CDKL1: variants seen among roughly 807,000 people sequenced by gnomAD.
CDKL1 encodes cyclin dependent kinase like 1, also known as cyclin-dependent kinase-like 1.
Under a neutral mutation model 42.0 loss-of-function variants are expected in CDKL1, and 41 were observed. That is an observed-to-expected ratio of 0.98 (90% confidence interval 0.76 to 1.27). The LOEUF (loss-of-function observed/expected upper bound fraction) is 1.27, where lower values mean the gene tolerates loss of function less well. Among genes scored for constraint, CDKL1 ranks in the 50% most tolerant of loss-of-function variants. The probability of loss-of-function intolerance (pLI) is 0.00; values close to 1 mark genes in which losing one functional copy is unlikely to be tolerated. For synonymous variants in CDKL1, 153 were observed against 158.6 expected, an observed-to-expected ratio of 0.96 and a Z score of 0.26; for missense variants, 394 against 428.4, an observed-to-expected ratio of 0.92 and a Z score of 0.71.
intron 7 of CDKL1, among the ~76,000 whole-genome samples, chr14:50,335,071 T>C (rs1291544259): frequency 3.3e-5 from 5 of 151,546 alleles, no homozygotes; most frequent in South Asian, 2.1e-4. Context: ...TCTGATGGCT[T>C]GAGCCCAGGA....
intron 3 of CDKL1, among the ~76,000 whole-genome samples, chr14:50,350,170 C>T (rs1345117059): frequency 6.6e-6 from 1 of 152,124 alleles, no homozygotes; most frequent in Non-Finnish European, 1.5e-5. Context: ...CTTGGCCTCC[C>T]AAAACACTGG....
At chr14:50,354,117 G>T (rs920655533) in intron 3 of CDKL1, among the ~76,000 whole-genome samples, 1 of 151,832 alleles carries the variant, frequency 6.6e-6, no homozygotes, top group Non-Finnish European at 1.5e-5. Flanking sequence ...ACAATGCCCG[G>T]CTAATTTTTG....
At chr14:50,341,256 A>G in intron 5 of CDKL1, 24 bp from the exon 6 acceptor site, 1 of 1,566,304 alleles carries the variant, frequency 6.4e-7, no homozygotes, top group Non-Finnish European at 8.7e-7. Context: ...GAACATGGAA[A>G]ACAAACAGCA....
At chr14:50,392,082 T>A (rs1272232366) in intron 2 of CDKL1, among the ~76,000 whole-genome samples, 4 of 152,214 alleles carry the variant, frequency 2.6e-5, no homozygotes, top group African/African-American at 9.6e-5. Flanking sequence ...AGCCAATGGC[T>A]AATCCTAAAT....
intron 7 of CDKL1, among the ~76,000 whole-genome samples, chr14:50,337,082 C>T (rs2033320653): frequency 6.6e-6 from 1 of 151,890 alleles, no homozygotes; most frequent in African/African-American, 2.4e-5. Context: ...GATCTCGGCT[C>T]ACTGCAACCT....
chr14:50,338,917 A>G, intron 7 of CDKL1, 30 bp downstream of exon 7: 2 of 1,398,076 alleles, frequency 1.4e-6, no homozygotes, highest in Non-Finnish European at 2.0e-6. Context: ...AGCCTGGCCT[A>G]CAGAGCTCTC....
At chr14:50,388,639 T>C (rs1012721106) in intron 2 of CDKL1, among the ~76,000 whole-genome samples, 6 of 152,228 alleles carry the variant, frequency 3.9e-5, no homozygotes, top group African/African-American at 1.2e-4. Context: ...TTGAGGCTGC[T>C]TGACCGCTGT....
At chr14:50,373,052 T>C (rs1263798939) in intron 2 of CDKL1, among the ~76,000 whole-genome samples, 5 of 152,216 alleles carry the variant, frequency 3.3e-5, no homozygotes, top group African/African-American at 9.6e-5. Context: ...ATTAGCATAG[T>C]TTTTTCTATT....
chr14:50,326,394 AGTT>A lies in CDKL1; in HGVS notation c.*3677_*3679del. 1 of 943,152 alleles carries A rather than the reference AGTT, an allele frequency of 1.1e-6. No homozygotes were observed. Among genetic ancestry groups the A allele is most frequent in the Non-Finnish European group, 1.3e-6 (1 of 791,418 alleles). The allele number at this position is 943,152 out of a possible 1,614,324, so 58.4% of individuals were successfully genotyped here. On this transcript the variant is annotated 3_prime_UTR_variant, in exon 10 of 10. Transcript: ENST00000395834. ...AACAGTAATTTACATTTAACTTTAA[AGTT>A]AGTGAAGCATACTACCATAAATGCA...
At chr14:50,333,090 C>T (rs2033059396) in intron 8 of CDKL1, 1 of 156,592 alleles carries the variant, frequency 6.4e-6, no homozygotes, top group Admixed American at 6.5e-5. Context: ...AATTTCACAA[C>T]TACATACTCC....
At chr14:50,373,329 A>G (rs1044801476) in intron 2 of CDKL1, among the ~76,000 whole-genome samples, 1 of 152,230 alleles carries the variant, frequency 6.6e-6, no homozygotes, top group Non-Finnish European at 1.5e-5. Flanking sequence ...AATAGGTAAT[A>G]GAAGAGGAAA....
intron 3 of CDKL1, among the ~76,000 whole-genome samples, chr14:50,352,892 C>T (rs1168675609): frequency 6.6e-6 from 1 of 152,230 alleles, no homozygotes; most frequent in Non-Finnish European, 1.5e-5. Flanking sequence ...CTAGCTCATG[C>T]TTTCTTTGTA....
At chr14:50,385,033 T>C (rs934423282) in intron 2 of CDKL1, among the ~76,000 whole-genome samples, 8 of 127,512 alleles carry the variant, frequency 6.3e-5, no homozygotes, top group African/African-American at 2.4e-4. Flanking sequence ...ATCGCACCAC[T>C]GCACTTAAGC....
intron 4 of CDKL1, among the ~76,000 whole-genome samples, chr14:50,344,224 G>A (rs1467301953): frequency 6.6e-6 from 1 of 152,124 alleles, no homozygotes; most frequent in Admixed American, 6.5e-5. Context: ...TAGGTTGCTT[G>A]GTTCGAGACT....
In CDKL1 at chr14:50,336,031, G is replaced by A. The variant is rs770970072; in HGVS notation, c.739-1410C>T. On this transcript the variant is annotated intron_variant, in intron 7 of 9. Transcript: ENST00000395834. The stretch of plus-strand genomic sequence containing the variant: ...CTTAAATATTTCTCTTGTTCTTTCT[G>A]TCGGTTGAATCTGAGCATCACTGGG... The A allele has an allele frequency of 3.7e-6, 5 of 1,366,380 alleles. No individual in the cohort carries two copies. In the Admixed American group the frequency reaches 9.5e-5, roughly 26 times the overall value. The allele number at this position is 1,366,380 out of a possible 1,614,324, so 84.6% of individuals were successfully genotyped here.
intron 2 of CDKL1, among the ~76,000 whole-genome samples, chr14:50,386,400 C>A (rs1281375868): frequency 6.6e-6 from 1 of 152,160 alleles, no homozygotes; most frequent in African/African-American, 2.4e-5. Flanking sequence ...TGCCACTGCA[C>A]TGCAGCCTGG....
At chr14:50,374,831 A>G (rs925510349) in intron 2 of CDKL1, among the ~76,000 whole-genome samples, 1 of 152,066 alleles carries the variant, frequency 6.6e-6, no homozygotes, top group African/African-American at 2.4e-5. Flanking sequence ...GTTTTTTGAT[A>G]CTAGTCTCTA....
At position 50,327,704 on chromosome 14, in the gene CDKL1, C is replaced by T. The variant is rs1322205655; in HGVS notation, c.*2370G>A. On this transcript the variant is annotated 3_prime_UTR_variant, in exon 10 of 10. Coordinates refer to ENST00000395834, the MANE Select transcript of CDKL1 (RefSeq NM_004196.7). ...GGTCTTGAACTCCTAACCTCAGGAT[C>T]CACCCGCCTCGGCCTCCCAAAGTGC... 3.9e-5 allele frequency: 6 copies of T among 152,184 alleles called. No homozygotes were observed. In the South Asian group the frequency reaches 6.2e-4, roughly 16 times the overall value. The allele number at this position is 152,184 out of a possible 1,614,324, so 9.4% of individuals were successfully genotyped here.
At chr14:50,378,431 G>A in intron 2 of CDKL1, 1 of 1,366,028 alleles carries the variant, frequency 7.3e-7, no homozygotes, top group Non-Finnish European at 9.8e-7. Flanking sequence ...TAAAATGTAA[G>A]GCTGGAAAAG....
Sources: allele counts gnomAD v4.1 joint callset (sites outside exome capture counted in the v4.1 genomes callset), GRCh38; gene constraint gnomAD v4.1.1; transcripts MANE v1.5; gene names NCBI Gene and HGNC (gene_info 2026-07-23, HGNC 2026-07-21).